The following BOC variants were observed in gnomAD, a reference collection of about 807,000 sequenced individuals.
BOC encodes BOC cell adhesion associated, oncogene regulated, also known as brother of CDO.
Under a neutral mutation model 112.0 loss-of-function variants are expected in BOC, and 76 were observed. The observed-to-expected ratio is 0.68, with a 90% CI of 0.56 to 0.82. BOC has a LOEUF of 0.82. Among genes scored for constraint, BOC ranks in the 40% least tolerant of loss-of-function variants. The pLI is 0.00. For missense variants in BOC, 1,309 were observed against 1,511.7 expected (o/e 0.87, Z 2.22); for synonymous variants, 580 against 599.8 (o/e 0.97, Z 0.48).
chr3:113,252,818 G>A (rs530302783), intron 4 of BOC, among the ~76,000 whole-genome samples: 1 of 152,116 alleles, frequency 6.6e-6, no homozygotes, highest in African/African-American at 2.4e-5. Flanking sequence ...GCCTGGCCTC[G>A]GGGAGCAGCC....
intron 2 of BOC, among the ~76,000 whole-genome samples, chr3:113,247,527 G>A (rs1945082264): frequency 6.8e-6 from 1 of 146,498 alleles, no homozygotes; most frequent in Middle Eastern, 3.6e-3. Context: ...AGGGAAAAAG[G>A]CTACTATTGT....
chr3:113,281,365 A>G (rs1204481926), intron 15 of BOC, among the ~76,000 whole-genome samples: 1 of 152,232 alleles, frequency 6.6e-6, no homozygotes, highest in African/African-American at 2.4e-5. Context: ...GGAACTTGAT[A>G]ATTAACTCAT....
chr3:113,280,503 T>G (rs2107722272), intron 13 of BOC, 55 bp from the exon 14 acceptor site: 1 of 1,311,984 alleles, frequency 7.6e-7, no homozygotes, highest in East Asian at 2.3e-5. Flanking sequence ...GTGGTTTTGC[T>G]TTGATGATGT....
rs1948230196 is a variant in BOC, at chr3:113,272,543, T to C, written c.801T>C (p.Asp267=). 2 of 1,614,058 alleles carry C rather than the reference T, an allele frequency of 1.2e-6. No homozygotes were observed. The highest frequency in any genetic ancestry group is 1.7e-5 in the Admixed American group (1 of 60,022). Residue 267 remains aspartate, a synonymous_variant, in exon 7 of 20, where the codon GAT becomes GAC. Coordinates refer to ENST00000682979, the MANE Select transcript of BOC (RefSeq NM_001378074.1). The part of the protein sequence containing the change: ...IPPPRVTWAK[D]GSSVTGYNKT... ...CCCCACGGGTCACCTGGGCCAAGGA[T>C]GGGTCCAGTGTCACCGGCTACAACA...
intron 12 of BOC, 105 bp from the exon 13 acceptor site, chr3:113,279,719 A>G: frequency 2.4e-6 from 3 of 1,263,330 alleles, no homozygotes; most frequent in Middle Eastern, 2.3e-4. Context: ...TGCTTTGGGG[A>G]AGGGCTGCCC....
Position 113,284,380 on chromosome 3 carries a change from C to T in BOC, c.2702C>T (p.Ser901Phe). Residue 901 changes from serine (S) to phenylalanine (F), a missense_variant, in exon 17 of 20, where the codon TCC becomes TTC. Physicochemically the swap from Ser to Phe is radical, Grantham distance 155. Coordinates refer to ENST00000682979, the MANE Select transcript of BOC (RefSeq NM_001378074.1). ...TTTCCTCGAAGTGCCCTTCCACCCT[C>T]CTGCCCGTATACTATGGTGCCATTG... ...LGFPRSALPP[S>F]CPYTMVPLGG... is the part of the protein sequence containing the mutation. The T allele has an allele frequency of 6.2e-7, 1 of 1,614,252 alleles. No individual in the cohort carries two copies. Among genetic ancestry groups the T allele is most frequent in the Non-Finnish European group, 8.5e-7 (1 of 1,180,036 alleles).
chr3:113,257,744 T>A (rs1946388918), intron 4 of BOC, among the ~76,000 whole-genome samples: 2 of 152,226 alleles, frequency 1.3e-5, no homozygotes, highest in Admixed American at 6.5e-5. Context: ...TTAATTTAAT[T>A]TTGTCCTCAA....
chr3:113,224,061 C>T (rs909954465), intron 2 of BOC, among the ~76,000 whole-genome samples: 5 of 152,240 alleles, frequency 3.3e-5, no homozygotes, highest in Non-Finnish European at 7.3e-5. Flanking sequence ...GGGCTGTTTG[C>T]CTTCCTCCTC....
intron 1 of BOC, chr3:113,212,344 T>C (rs1044451026): frequency 1.3e-5 from 2 of 152,086 alleles, no homozygotes; most frequent in Non-Finnish European, 2.9e-5. Flanking sequence ...GCGATGGTGG[T>C]TTCGCCTCAG....
chr3:113,273,724 G>A (rs981861858), intron 8 of BOC, among the ~76,000 whole-genome samples: 8 of 152,146 alleles, frequency 5.3e-5, no homozygotes, highest in Admixed American at 1.3e-4. Flanking sequence ...CCCTGCCCTC[G>A]AGAACTCCCC....
chr3:113,260,939 A>C (rs990756065), intron 4 of BOC, among the ~76,000 whole-genome samples: 2 of 152,090 alleles, frequency 1.3e-5, no homozygotes, highest in Non-Finnish European at 2.9e-5. Context: ...GTCCATGGAA[A>C]AATTGTCTTC....
chr3:113,236,612 T>G (rs1442896058), intron 2 of BOC, among the ~76,000 whole-genome samples: 1 of 152,058 alleles, frequency 6.6e-6, no homozygotes, highest in East Asian at 1.9e-4. Flanking sequence ...TGTATCCATG[T>G]AACAACACTT....
intron 15 of BOC, 46 bp downstream of exon 15, chr3:113,281,199 G>A (rs371976747): frequency 2.1e-5 from 33 of 1,605,274 alleles, no homozygotes; most frequent in Middle Eastern, 3.3e-4. Flanking sequence ...TTTCCAGCGA[G>A]GGAAGGCAGA....
intron 5 of BOC, 23 bp from the exon 6 acceptor site, chr3:113,270,778 C>T (rs760983963): frequency 5.0e-6 from 8 of 1,591,846 alleles, no homozygotes; most frequent in South Asian, 4.6e-5. Flanking sequence ...TCCCATCTTC[C>T]CCTGGCCCTG....
At chr3:113,250,438 A>G (rs1485748703) in intron 3 of BOC, 117 bp from the exon 4 acceptor site, 2 of 1,203,876 alleles carry the variant, frequency 1.7e-6, no homozygotes, top group East Asian at 4.7e-5. Context: ...AGTCGGAGAA[A>G]GACCAGCTTC....
chr3:113,267,882 G>A (rs140238242), intron 4 of BOC, among the ~76,000 whole-genome samples: 4 of 152,192 alleles, frequency 2.6e-5, no homozygotes, highest in Admixed American at 2.6e-4. Flanking sequence ...TTGGAGAAAA[G>A]ACATGAGCAT....
chr3:113,274,713 C>G lies in BOC; in HGVS notation c.1542+31C>G. 1 of 1,545,592 alleles carries G rather than the reference C, an allele frequency of 6.5e-7. No individual in the cohort carries two copies. Among genetic ancestry groups the G allele is most frequent in the East Asian group, 2.3e-5 (1 of 43,614 alleles). ...GCCCTGGTGTGGGGCTGCTGCCTCC[C>G]CTGCACAGCCTTTCCAGCAAGGCTG... On this transcript the variant is annotated intron_variant, in intron 9 of 19. Transcript: ENST00000682979. The surrounding 1 kb of genome is among the most constrained non-coding windows in gnomAD (Gnocchi z 4.8).
chr3:113,233,743 G>T (rs1333545924), intron 2 of BOC, among the ~76,000 whole-genome samples: 1 of 152,112 alleles, frequency 6.6e-6, no homozygotes, highest in Admixed American at 6.5e-5. Context: ...CCTGCCCATC[G>T]AATGGAATTG....
intron 15 of BOC, among the ~76,000 whole-genome samples, chr3:113,281,397 C>T (rs1229146290): frequency 6.6e-6 from 1 of 152,176 alleles, no homozygotes; most frequent in Non-Finnish European, 1.5e-5. Context: ...GGGGATAGAC[C>T]TCATTCTTAA....
Sources: gnomAD v4.1 joint callset for allele counts (sites outside exome capture counted in the v4.1 genomes callset) on GRCh38, gnomAD v4.1.1 for gene constraint, Gnocchi (gnomAD v3.1) non-coding constraint, MANE v1.5 for transcripts, NCBI Gene and HGNC (gene_info 2026-07-23, HGNC 2026-07-21) for gene names.